Variants in POU2F2 observed in about 807,000 individuals in gnomAD.
The protein encoded by POU2F2 is POU class 2 homeobox 2.
POU2F2 carries 14 observed loss-of-function variants against 63.5 expected under a neutral mutation model. That is an observed-to-expected ratio of 0.22 (90% CI 0.15 to 0.34). The LOEUF (loss-of-function observed/expected upper bound fraction) is 0.34. Among genes scored for constraint, POU2F2 ranks in the 10% least tolerant of loss-of-function variants. The pLI, the probability that POU2F2 is intolerant of heterozygous loss-of-function variation, is 1.00. For missense variants in POU2F2, 607 were observed against 815.2 expected, an observed-to-expected ratio of 0.74 and a Z score of 3.11; for synonymous variants, 306 against 348.6, an observed-to-expected ratio of 0.88 and a Z score of 1.36.
Position 42,088,255 on chromosome 19 carries a change from T to C in POU2F2, c.*3002A>G, listed in dbSNP as rs1207992964. ...TGGTTATTTTTCCCCCTCCCAGGAA[T>C]TTTTTTTTCTTGTTTTTCTTTTCCT... On this transcript the variant is annotated 3_prime_UTR_variant, in exon 15 of 15. Transcript: ENST00000692977. The C allele has an allele frequency of 3.3e-5, 5 of 151,528 alleles. No individual in the cohort carries two copies. In the East Asian group the frequency reaches 9.7e-4, roughly 29 times the overall value. The allele number at this position is 151,528 out of a possible 1,614,324, so 9.4% of individuals were successfully genotyped here.
At chr19:42,115,625 T>C (rs2031746872) in intron 5 of POU2F2, among the ~76,000 whole-genome samples, 1 of 151,926 alleles carries the variant, frequency 6.6e-6, no homozygotes, top group African/African-American at 2.4e-5. Context: ...TGGGAAGGGG[T>C]GGACAGGAGT....
Position 42,113,379 on chromosome 19 carries a change from ACACTGAG to A in POU2F2, c.369+3864_369+3870del, listed in dbSNP as rs1479192462. On this transcript the variant is annotated intron_variant, in intron 5 of 14. Transcript: ENST00000692977. Reference sequence around the variant, plus strand: ...CACAGCCCCCTCGGCAGAAGGCAGCACACTGAGCAATGGACAGACAAATTATAGAACT... The same window carrying A: ...CACAGCCCCCTCGGCAGAAGGCAGCACAATGGACAGACAAATTATAGAACT... Among the ~76,000 whole-genome samples, 4 of 152,210 alleles carry A rather than the reference ACACTGAG, an allele frequency of 2.6e-5. No individual in the cohort carries two copies. The East Asian group carries it at 7.7e-4, about 29-fold the overall frequency.
At chr19:42,124,199 G>A (rs2032960276) in intron 1 of POU2F2, among the ~76,000 whole-genome samples, 1 of 151,670 alleles carries the variant, frequency 6.6e-6, no homozygotes, top group Non-Finnish European at 1.5e-5. Context: ...AGCTATTGGG[G>A]AGGCTGAGGC....
At chr19:42,101,669 C>G (rs2077146136) in intron 5 of POU2F2, among the ~76,000 whole-genome samples, 1 of 152,154 alleles carries the variant, frequency 6.6e-6, no homozygotes, top group African/African-American at 2.4e-5. Flanking sequence ...CCCTAGCAAA[C>G]TAATATAGGC....
intron 1 of POU2F2, among the ~76,000 whole-genome samples, chr19:42,186,654 C>T (rs181017545): frequency 1.3e-5 from 2 of 152,058 alleles, no homozygotes; most frequent in African/African-American, 2.4e-5. Context: ...AACCAGGAAG[C>T]TATTGCAATA....
At chr19:42,179,633 C>T (rs2034938124), upstream of POU2F2, among the ~76,000 whole-genome samples, 4 of 152,064 alleles carry the variant, frequency 2.6e-5, no homozygotes, top group African/African-American at 9.7e-5. Context: ...CAAGGCTACC[C>T]CATGCATACT....
chr19:42,127,338 C>A (rs369785166), intron 1 of POU2F2, among the ~76,000 whole-genome samples: 1 of 151,840 alleles, frequency 6.6e-6, no homozygotes, highest in East Asian at 1.9e-4. Context: ...GTCCACCTGG[C>A]GACCCCCGGA....
In POU2F2 at chr19:42,095,352, G is replaced by A; in HGVS notation, c.1131C>T (p.Ile377=). 1.2e-6 allele frequency: 2 copies of A among 1,613,956 alleles called. No homozygotes were observed. The highest frequency in any genetic ancestry group is 1.7e-6 in the Non-Finnish European group (2 of 1,179,994). The change falls in exon 11 of 15, where the codon ATC becomes ATT. Residue 377 remains isoleucine (I), a synonymous_variant. Coordinates refer to ENST00000692977, the MANE Select transcript of POU2F2 (RefSeq NM_001394376.1). This position sits in a 1 kb window ranked among gnomAD's most constrained non-coding sequence, Gnocchi z 7.1. The part of the protein sequence containing the change: ...FCNRRQKEKR[I]NPCSAAPMLP... ...GCATGGGGGCCGCACTGCAGGGGTT[G>A]ATGCGTTTCTCCTTCTGGCGCCGGT...
intron 5 of POU2F2, among the ~76,000 whole-genome samples, chr19:42,113,663 G>A (rs757574820): frequency 2.0e-5 from 3 of 152,320 alleles, no homozygotes; most frequent in Middle Eastern, 6.8e-3. Context: ...ACTGCAGGAC[G>A]GGGAGCCCCT....
intron 1 of POU2F2, among the ~76,000 whole-genome samples, chr19:42,173,939 C>A (rs1275953099): frequency 6.6e-6 from 1 of 152,166 alleles, no homozygotes; most frequent in Non-Finnish European, 1.5e-5. Flanking sequence ...TGGCCCTGAT[C>A]GGCTTTACTC....
At chr19:42,122,053 G>C (rs2032681211) in intron 4 of POU2F2, 73 bp downstream of exon 4, 1 of 1,462,162 alleles carries the variant, frequency 6.8e-7, no homozygotes, top group African/African-American at 1.4e-5. Context: ...TCAGCCCTTG[G>C]ACTGAGGCAG....
At chr19:42,183,087 T>C (rs1316094050) in intron 1 of POU2F2, among the ~76,000 whole-genome samples, 1 of 152,098 alleles carries the variant, frequency 6.6e-6, no homozygotes, top group Non-Finnish European at 1.5e-5. Context: ...CACACCCGGG[T>C]TCAGAAGCTC....
chr19:42,147,898 C>T (rs1449420700), intron 2 of POU2F2, among the ~76,000 whole-genome samples: 4 of 152,130 alleles, frequency 2.6e-5, no homozygotes, highest in African/African-American at 9.7e-5. Context: ...TTCCCCTTTC[C>T]CTGACCCCTA....
chr19:42,163,523 A>G (rs2034592038), intron 1 of POU2F2, among the ~76,000 whole-genome samples: 1 of 151,948 alleles, frequency 6.6e-6, no homozygotes, highest in Non-Finnish European at 1.5e-5. Context: ...GGGGCCTGGA[A>G]GAGGGTGGTC....
chr19:42,179,578 C>T (rs1015623529), upstream of POU2F2, among the ~76,000 whole-genome samples: 8 of 152,034 alleles, frequency 5.3e-5, no homozygotes, highest in African/African-American at 1.4e-4. Flanking sequence ...ACGCGCTGCG[C>T]GGTCTTGGCT....
Position 42,096,267 on chromosome 19 carries a change from G to T in POU2F2, c.568-24C>A. 6.5e-7 allele frequency: 1 copy of T among 1,530,956 alleles called. No homozygotes were observed. Among genetic ancestry groups the T allele is most frequent in the Non-Finnish European group, 8.8e-7 (1 of 1,139,762 alleles). The allele number at this position is 1,530,956 out of a possible 1,614,324, so 94.8% of individuals were successfully genotyped here. On this transcript the variant is annotated intron_variant, in intron 7 of 14. Transcript: ENST00000692977. The surrounding 1 kb of genome is among the most constrained non-coding windows in gnomAD (Gnocchi z 4.1). The stretch of plus-strand genomic sequence containing the variant: ...GCCTGGTGGGGTGGGCAGGTGGGTG[G>T]GATGCAGGGCGGAGGACCAGGATGG...
chr19:42,183,817 T>C (rs1019610324), intron 1 of POU2F2, among the ~76,000 whole-genome samples: 3 of 151,900 alleles, frequency 2.0e-5, no homozygotes, highest in Non-Finnish European at 4.4e-5. Context: ...AGGTGAGAAC[T>C]GAAAAAAGTT....
chr19:42,098,374 A>G (rs2077001506), intron 7 of POU2F2, among the ~76,000 whole-genome samples: 1 of 149,338 alleles, frequency 6.7e-6, no homozygotes, highest in Non-Finnish European at 1.5e-5. Context: ...TATTGAGCCA[A>G]TGCACTCCAG....
At position 42,153,816 on chromosome 19, in the gene POU2F2, G is replaced by A. The variant is rs1358182244; in HGVS notation, c.-9+6516C>T. Among the ~76,000 whole-genome samples the A allele has an allele frequency of 2.0e-5, 3 of 152,142 alleles. No homozygotes were observed. Among genetic ancestry groups the A allele is most frequent in the Non-Finnish European group, 2.9e-5 (2 of 68,004 alleles). ...AGAGGCTACAACCCTGAGTCTCTGA[G>A]TGGGGGAGGGTGGCGAGGCAGCAGG... On this transcript the variant is annotated intron_variant, in intron 2 of 6. Transcript: ENST00000524801. The surrounding 1 kb of genome is among the most constrained non-coding windows in gnomAD (Gnocchi z 5.6).
Sources: gnomAD v4.1 joint callset for allele counts (sites outside exome capture counted in the v4.1 genomes callset) on GRCh38, gnomAD v4.1.1 for gene constraint, Gnocchi (gnomAD v3.1) non-coding constraint, MANE v1.5 for transcripts, NCBI Gene and HGNC (gene_info 2026-07-23, HGNC 2026-07-21) for gene names.